Variants in TCP1 observed in about 807,000 individuals in gnomAD.
The protein encoded by TCP1 is T-complex protein 1 subunit alpha.
In TCP1, 6 loss-of-function variants were observed where a neutral mutation model predicts 54.7. That is an observed-to-expected ratio of 0.11 (90% confidence interval 0.06 to 0.22). The LOEUF is 0.22. TCP1 is among the 10% of genes least tolerant of loss of function. The pLI, the probability that TCP1 is intolerant of heterozygous loss-of-function variation, is 1.00. For missense variants in TCP1, 511 were observed against 678.2 expected (o/e 0.75, Z 2.74); for synonymous variants, 225 against 229.7 (o/e 0.98, Z 0.19).
At position 159,785,457 on chromosome 6, in the gene TCP1, G is replaced by A. The variant is rs755047810; in HGVS notation, c.417C>T (p.Asn139=). The change falls in exon 5 of 12, where the codon AAC becomes AAT. Residue 139 remains asparagine, a synonymous_variant. Coordinates refer to ENST00000321394, the MANE Select transcript of TCP1 (RefSeq NM_030752.3). The part of the protein sequence containing the change: ...VRYINENLIV[N]TDELGRDCLI... The stretch of plus-strand genomic sequence containing the variant: ...GGCAATCTCTTCCCAGTTCATCTGT[G>A]TTAACAATTAGGTTTTCATTGATAT... 2 of 1,613,796 alleles carry A rather than the reference G, an allele frequency of 1.2e-6. 1 individual carries two copies. Among genetic ancestry groups the A allele is most frequent in the East Asian group, 4.5e-5 (2 of 44,898 alleles).
At chr6:159,787,894 T>C in intron 2 of TCP1, 23 bp from the exon 3 acceptor site, 1 of 1,612,996 alleles carries the variant, frequency 6.2e-7, no homozygotes, top group Non-Finnish European at 8.5e-7. Flanking sequence ...CAGGAAAAAA[T>C]ATGAACCACT....
At chr6:159,779,299 A>G (rs1467961204) in intron 11 of TCP1, 38 bp from the exon 12 acceptor site, 13 of 1,552,306 alleles carry the variant, frequency 8.4e-6, no homozygotes, top group African/African-American at 1.4e-5. Flanking sequence ...GCCGCTTACA[A>G]TTTCATTAGG....
Position 159,785,990 on chromosome 6 carries a change from A to G in TCP1, c.287T>C (p.Ile96Thr), listed in dbSNP as rs1178635179. The stretch of plus-strand genomic sequence containing the variant: ...TGCATTTTTTAGGAGTTCTGCTGCA[A>G]TAATAACCTGTTGAGAAAACATTCA... Reference protein sequence around the residue: ...VGDGTTSVVIIAAELLKNADE... With the variant: ...VGDGTTSVVITAAELLKNADE... The change falls in exon 4 of 12, where the codon ATT (isoleucine) becomes ACT (threonine). Residue 96 changes from isoleucine (I) to threonine (T), a missense_variant. Physicochemically the swap from Ile to Thr is moderately conservative, Grantham distance 89. Transcript: ENST00000321394. The G allele has an allele frequency of 1.2e-6, 2 of 1,613,342 alleles. No individual in the cohort carries two copies. The highest frequency in any genetic ancestry group is 1.7e-5 in the Admixed American group (1 of 60,004).
At chr6:159,785,212 C>T (rs1780665618) in intron 5 of TCP1, 174 bp downstream of exon 5, 1 of 624,790 alleles carries the variant, frequency 1.6e-6, no homozygotes, top group Non-Finnish European at 2.8e-6. Flanking sequence ...CACGCACCCA[C>T]TCCCGAGACA....
chr6:159,782,245 AG>A (rs1476680941), intron 7 of TCP1, among the ~76,000 whole-genome samples: 2 of 152,236 alleles, frequency 1.3e-5, no homozygotes, highest in African/African-American at 4.8e-5. Context: ...CCATGTGAAT[AG>A]ATCATTCGAA....
intron 5 of TCP1, 198 bp downstream of exon 5, chr6:159,785,171 TACGCACGCGTGCGCGCA>T (rs1408850478): frequency 2.0e-5 from 12 of 606,208 alleles, no homozygotes; most frequent in Non-Finnish European, 3.2e-5. Context: ...CTGCTGCTAC[TACGCACGCGTGCGCGCA>T]ACACATGCGC....
intron 4 of TCP1, 157 bp downstream of exon 4, chr6:159,785,743 G>C (rs777109405): frequency 2.5e-6 from 2 of 794,738 alleles, no homozygotes; most frequent in Non-Finnish European, 4.3e-6. Flanking sequence ...AAAAGATACT[G>C]GTCCAAGTTT....
At chr6:159,787,892 A>T in intron 2 of TCP1, 21 bp from the exon 3 acceptor site, 1 of 1,613,150 alleles carries the variant, frequency 6.2e-7, no homozygotes, top group Non-Finnish European at 8.5e-7. Flanking sequence ...CGCAGGAAAA[A>T]ATATGAACCA....
At position 159,778,798 on chromosome 6, in the gene TCP1, TG is replaced by T. The variant is rs767278518; in HGVS notation, c.*246del. On this transcript the variant is annotated 3_prime_UTR_variant, in exon 12 of 12. Coordinates refer to ENST00000321394, the MANE Select transcript of TCP1 (RefSeq NM_030752.3). ...GCAGCCCTGTGCATTGGGGGTGGGA[TG>T]GGAATAGCAATGTGTGTTCAGAGAG... 1 of 1,614,182 alleles carries T rather than the reference TG, an allele frequency of 6.2e-7. No homozygotes were observed. Among genetic ancestry groups the T allele is most frequent in the Admixed American group, 1.7e-5 (1 of 60,020 alleles).
rs1780551044 is a variant in TCP1 at position 159,780,515 on chromosome 6, G to A, written c.1025C>T (p.Ala342Val). 2 of 1,613,916 alleles carry A rather than the reference G, an allele frequency of 1.2e-6. No individual in the cohort carries two copies. The highest frequency in any genetic ancestry group is 2.7e-5 in the African/African-American group (2 of 74,910). Residue 342 changes from alanine (A) to valine (V), a missense_variant, in exon 9 of 12, where the codon GCT becomes GTT. Ala to Val is a moderately conservative substitution (Grantham distance 64). This residue lies in a region of TCP1 where 305 missense variants were observed against 352.8 expected (regional missense o/e 0.86). Coordinates refer to ENST00000321394, the MANE Select transcript of TCP1 (RefSeq NM_030752.3). ...ANLEGEETFE[A>V]AMLGQAEEVV... ...TTCTTCTGCCTGTCCCAACATTGCAGCTTCAAAAGTTTCTTCACCTTCCAA... is the reference window on the plus strand; with the variant it reads ...TTCTTCTGCCTGTCCCAACATTGCAACTTCAAAAGTTTCTTCACCTTCCAA...
chr6:159,786,284 G>T (rs1438377167), intron 3 of TCP1, among the ~76,000 whole-genome samples: 1 of 151,878 alleles, frequency 6.6e-6, no homozygotes, highest in African/African-American at 2.4e-5. Context: ...AGGAAAACTT[G>T]TTTTTTTATA....
chr6:159,788,158 T>A lies in TCP1; in HGVS notation c.65-15A>T, dbSNP rs755368707. Reference sequence around the variant, plus strand: ...TGCAGCCATAACTGTAGACAATCAATTAAAAATAAAAAAGAAATGAGGATA... The same window carrying A: ...TGCAGCCATAACTGTAGACAATCAAATAAAAATAAAAAAGAAATGAGGATA... On this transcript the variant is annotated splice_polypyrimidine_tract_variant and intron_variant, in intron 1 of 11. Transcript: ENST00000321394. The A allele has an allele frequency of 2.5e-6, 4 of 1,612,036 alleles. No individual in the cohort carries two copies. The Admixed American group carries it at 5.0e-5, about 20-fold the overall frequency.
intron 4 of TCP1, 173 bp from the exon 5 acceptor site, chr6:159,785,669 T>A (rs2114996000): frequency 1.3e-6 from 1 of 795,820 alleles, no homozygotes; most frequent in African/African-American, 1.7e-5. Flanking sequence ...GCAAGTTTAA[T>A]CTATCCCATA....
At chr6:159,784,626 T>C (rs1228516759) in intron 6 of TCP1, 40 bp downstream of exon 6, 1 of 1,588,670 alleles carries the variant, frequency 6.3e-7, no homozygotes. Flanking sequence ...AGTTTTAATC[T>C]GTAGCAATCT....
rs147729930 is a variant in TCP1 at position 159,784,135 on chromosome 6, C to T, written c.671-68G>A. The T allele has an allele frequency of 3.3e-6, 5 of 1,527,944 alleles. No individual in the cohort carries two copies. In the East Asian group the frequency reaches 6.9e-5, roughly 21 times the overall value. The allele number at this position is 1,527,944 out of a possible 1,614,324, so 94.6% of individuals were successfully genotyped here. On this transcript the variant is annotated intron_variant, in intron 6 of 11. Coordinates refer to ENST00000321394, the MANE Select transcript of TCP1 (RefSeq NM_030752.3). ...AAGCATAATAAAGAGTACCTATAAT[C>T]GATTGTATGTAAACACACAAATTTA... is the stretch of plus-strand genomic sequence containing the variant.
rs1245683928 is a variant in TCP1, at chr6:159,789,296, G to A, written c.64+109C>T. ...CTGGGTCCGGCTGCGGGGCCCCGAG[G>A]CCCTTTCTGCGGAGGTAAAGGAGAG... On this transcript the variant is annotated intron_variant, in intron 1 of 11. Transcript: ENST00000321394. 3.1e-6 allele frequency: 4 copies of A among 1,301,836 alleles called. No homozygotes were observed. In the African/African-American group the frequency reaches 5.9e-5, roughly 19 times the overall value. The allele number at this position is 1,301,836 out of a possible 1,614,324, so 80.6% of individuals were successfully genotyped here.
chr6:159,785,272 A>G, intron 5 of TCP1, 114 bp downstream of exon 5: 1 of 804,082 alleles, frequency 1.2e-6, no homozygotes, highest in Non-Finnish European at 2.1e-6. Flanking sequence ...GGTTCAATTA[A>G]TACTCCTACC....
intron 8 of TCP1, 23 bp downstream of exon 8, chr6:159,780,912 G>T: frequency 6.4e-7 from 1 of 1,567,702 alleles, no homozygotes; most frequent in Non-Finnish European, 8.6e-7. Flanking sequence ...AGTATTTTAT[G>T]TGACAGCCAG....
chr6:159,780,713 T>C (rs561787679), intron 8 of TCP1, 147 bp from the exon 9 acceptor site: 5 of 1,267,968 alleles, frequency 3.9e-6, no homozygotes, highest in Admixed American at 5.2e-5. Context: ...TATCCTAAGA[T>C]GGAACTGTCA....
Sources: gnomAD v4.1 joint callset for allele counts (sites outside exome capture counted in the v4.1 genomes callset) on GRCh38, gnomAD v4.1.1 for gene constraint, gnomAD v4.1.1 regional missense constraint, MANE v1.5 for transcripts, NCBI Gene and HGNC (gene_info 2026-07-23, HGNC 2026-07-21) for gene names.